Variants in SF3A2 observed in about 807,000 individuals in gnomAD.
SF3A2 encodes the protein splicing factor 3a subunit 2.
SF3A2 carries 5 observed loss-of-function variants against 31.1 expected under a neutral mutation model. That is an observed-to-expected ratio of 0.16 (90% CI 0.08 to 0.34). The LOEUF is 0.34. Ranked by LOEUF, SF3A2 falls within the 10% of genes least tolerant of loss-of-function variation. SF3A2 has a pLI of 1.00. For missense variants in SF3A2, 577 were observed against 643.9 expected, an observed-to-expected ratio of 0.90 and a Z score of 1.13; for synonymous variants, 365 against 263.7, an observed-to-expected ratio of 1.38 and a Z score of -3.72.
Position 2,248,213 on chromosome 19 carries a change from C to A in SF3A2, c.1062C>A (p.Ala354=). Residue 354 remains alanine, a synonymous_variant, in exon 9 of 9, where the codon GCC becomes GCA. Transcript: ENST00000221494. The stretch of plus-strand genomic sequence containing the variant: ...CAGCCCCCGGAGTCCACCCACCAGC[C>A]CCTGGGGTTCACCCACCAGCCCCAG... ...HPPAPGVHPP[A]PGVHPPAPGV... 2.1e-6 allele frequency: 3 copies of A among 1,462,750 alleles called. No homozygotes were observed. The highest frequency in any genetic ancestry group is 2.5e-5 in the East Asian group (1 of 40,228). 90.6% of individuals were successfully genotyped at this position (1,462,750 alleles called of 1,614,324 possible).
Position 2,247,992 on chromosome 19 carries a change from C to T in SF3A2, c.841C>T (p.Pro281Ser), listed in dbSNP as rs773432493. 2.1e-6 allele frequency: 2 copies of T among 946,588 alleles called. No individual in the cohort carries two copies. Among genetic ancestry groups the T allele is most frequent in the South Asian group, 2.7e-5 (2 of 73,146 alleles). 58.6% of individuals were successfully genotyped at this position (946,588 alleles called of 1,614,324 possible). The change falls in exon 9 of 9, where the codon CCC becomes TCC. Residue 281 changes from proline (P) to serine (S), a missense_variant. By Grantham distance (74) the Pro-to-Ser change is moderately conservative. Around this residue, in one of 6 missense-constraint regions of SF3A2, gnomAD observed 462 missense variants for 339.1 expected, o/e 1.36. Coordinates refer to ENST00000221494, the MANE Select transcript of SF3A2 (RefSeq NM_007165.5). ...AGGGCCCCCGGGACCACCCCAGCTA[C>T]CCCCGCCAGCTCCAGGGGTCCACCC... is the stretch of plus-strand genomic sequence containing the variant. Reference protein sequence around the residue: ...PSGPPGPPQLPPPAPGVHPPA... With the variant: ...PSGPPGPPQLSPPAPGVHPPA...
intron 1 of SF3A2, among the ~76,000 whole-genome samples, chr19:2,240,585 A>G (rs1363552826): frequency 6.6e-6 from 1 of 152,198 alleles, no homozygotes; most frequent in Non-Finnish European, 1.5e-5. Context: ...CAGACTCCAC[A>G]GGTGCTCCCT....
rs750934748 is a variant in SF3A2 at position 2,248,057 on chromosome 19, T to TCCCCCAGCTCCTGGCGTCCAC, written c.927_947dup (p.Ala319_Pro325dup). Reference sequence around the variant, plus strand: ...TGCATCCCCCTGCATCTGGGGTCCATCCCCCAGCTCCTGGCGTCCACCCCC... The same window carrying TCCCCCAGCTCCTGGCGTCCAC: ...TGCATCCCCCTGCATCTGGGGTCCATCCCCCAGCTCCTGGCGTCCACCCCCCAGCTCCTGGCGTCCACCCCC... On this transcript the variant is annotated inframe_insertion, in exon 9 of 9. Coordinates refer to ENST00000221494, the MANE Select transcript of SF3A2 (RefSeq NM_007165.5). 158 of 852,230 alleles carry TCCCCCAGCTCCTGGCGTCCAC rather than the reference T, an allele frequency of 1.9e-4. No homozygotes were observed. Among genetic ancestry groups the TCCCCCAGCTCCTGGCGTCCAC allele is most frequent in the African/African-American group, 2.6e-4 (13 of 49,086 alleles). 52.8% of individuals were successfully genotyped at this position (852,230 alleles called of 1,614,324 possible). A position where few individuals can be genotyped will look rare whatever the true frequency, so the allele number is the denominator to read the frequency against.
At chr19:2,237,155 C>A (rs1174763519) in intron 1 of SF3A2, 1 of 152,184 alleles carries the variant, frequency 6.6e-6, no homozygotes, top group East Asian at 1.9e-4. Flanking sequence ...CGGGGCCTCA[C>A]GCCTGTAATC....
At chr19:2,237,373 C>T (rs955182905) in intron 1 of SF3A2, 2 of 148,984 alleles carry the variant, frequency 1.3e-5, no homozygotes, top group South Asian at 2.1e-4. Flanking sequence ...CACCACTGCA[C>T]TCCAGCCTGG....
At position 2,248,137 on chromosome 19, in the gene SF3A2, TC is replaced by T; in HGVS notation, c.988del (p.His330ThrfsTer116). On this transcript the variant is annotated frameshift_variant, in exon 9 of 9. Coordinates refer to ENST00000221494, the MANE Select transcript of SF3A2 (RefSeq NM_007165.5). LOFTEE classifies it low-confidence loss of function (END_TRUNC). ...GGGGTCCACCCACCAACCTCTGGGG[TC>T]CACCCCCCAGCTCCTGGAGTCCACC... ...APGVHPPTSGVHPPAPGVHPP... is the reference protein window; with the variant it reads ...APGVHPPTSGXHPPAPGVHPP... The T allele has an allele frequency of 7.2e-7, 1 of 1,387,854 alleles. No individual in the cohort carries two copies. The highest frequency in any genetic ancestry group is 9.9e-7 in the Non-Finnish European group (1 of 1,014,414). 86.0% of individuals were successfully genotyped at this position (1,387,854 alleles called of 1,614,324 possible). A position where few individuals can be genotyped will look rare whatever the true frequency, so the allele number is the denominator to read the frequency against.
chr19:2,248,575 G>C lies in SF3A2; in HGVS notation c.*29G>C. ...GCTGCTCCCTCCCCCAGCAAGCCCAGCGCCAGGTGCTCTTGCCTTTTCCCA... is the reference window on the plus strand; with the variant it reads ...GCTGCTCCCTCCCCCAGCAAGCCCACCGCCAGGTGCTCTTGCCTTTTCCCA... On this transcript the variant is annotated 3_prime_UTR_variant, in exon 9 of 9. Coordinates refer to ENST00000221494, the MANE Select transcript of SF3A2 (RefSeq NM_007165.5). The C allele has an allele frequency of 1.4e-6, 1 of 690,128 alleles. No homozygotes were observed. Among genetic ancestry groups the C allele is most frequent in the Non-Finnish European group, 2.1e-6 (1 of 469,004 alleles). The allele number at this position is 690,128 out of a possible 1,614,324, so 42.8% of individuals were successfully genotyped here. A position where few individuals can be genotyped will look rare whatever the true frequency, so the allele number is the denominator to read the frequency against.
Position 2,245,070 on chromosome 19 carries a change from C to A in SF3A2, c.245+291C>A. 5.6e-6 allele frequency: 3 copies of A among 532,330 alleles called. No homozygotes were observed. The South Asian group carries it at 6.9e-5, about 12-fold the overall frequency. 33.0% of individuals were successfully genotyped at this position (532,330 alleles called of 1,614,324 possible). A position where few individuals can be genotyped will look rare whatever the true frequency, so the allele number is the denominator to read the frequency against. On this transcript the variant is annotated intron_variant, in intron 4 of 8. Coordinates refer to ENST00000221494, the MANE Select transcript of SF3A2 (RefSeq NM_007165.5). This position sits in a 1 kb window ranked among gnomAD's most constrained non-coding sequence, Gnocchi z 4.2. ...GCATGGTGGCACACGTCTGTAATCA[C>A]AGCTACTATGGAGGCTGAGGCAGGA...
At chr19:2,239,478 C>T (rs1044595722) in intron 1 of SF3A2, among the ~76,000 whole-genome samples, 2 of 152,038 alleles carry the variant, frequency 1.3e-5, no homozygotes, top group Admixed American at 1.3e-4. Flanking sequence ...GTTTTCTGCT[C>T]AGTTGTCTTT....
chr19:2,236,842 C>T lies in SF3A2; in HGVS notation c.-97C>T, dbSNP rs926530278. ...GGAAGTGCTTTCTTTGCCCGCCGTT[C>T]GCCAAACGAAGTCGTGGAGGTGGCG... is the stretch of plus-strand genomic sequence containing the variant. On this transcript the variant is annotated 5_prime_UTR_variant, in exon 1 of 9. Coordinates refer to ENST00000221494, the MANE Select transcript of SF3A2 (RefSeq NM_007165.5). The T allele has an allele frequency of 6.6e-6, 1 of 152,296 alleles. No homozygotes were observed. The highest frequency in any genetic ancestry group is 2.4e-5 in the African/African-American group (1 of 41,440). 9.4% of individuals were successfully genotyped at this position (152,296 alleles called of 1,614,324 possible).
chr19:2,239,211 A>G (rs1300545905), intron 1 of SF3A2, among the ~76,000 whole-genome samples: 5 of 152,204 alleles, frequency 3.3e-5, no homozygotes, highest in African/African-American at 7.2e-5. Flanking sequence ...CTAAAAATAT[A>G]AAAATTTGCC....
chr19:2,245,159 G>A lies in SF3A2; in HGVS notation c.246-287G>A. The A allele has an allele frequency of 2.0e-6, 1 of 495,284 alleles. No individual in the cohort carries two copies. The highest frequency in any genetic ancestry group is 3.6e-6 in the Non-Finnish European group (1 of 279,958). The allele number at this position is 495,284 out of a possible 1,614,324, so 30.7% of individuals were successfully genotyped here. ...AGGTGCTGCCACTGTACTCCATCCT[G>A]GGCGACAGAGTGAGACTCTTGTCTT... is the stretch of plus-strand genomic sequence containing the variant. On this transcript the variant is annotated intron_variant, in intron 4 of 8. Transcript: ENST00000221494. This position sits in a 1 kb window ranked among gnomAD's most constrained non-coding sequence, Gnocchi z 4.2.
intron 1 of SF3A2, among the ~76,000 whole-genome samples, chr19:2,241,156 C>T (rs927103463): frequency 1.1e-4 from 16 of 152,112 alleles, no homozygotes; most frequent in African/African-American, 3.1e-4. Context: ...TCCTTCATGA[C>T]GAAAGGAGCA....
chr19:2,243,187 C>G (rs1267275878), intron 1 of SF3A2, among the ~76,000 whole-genome samples, 195 bp from the exon 2 acceptor site: 1 of 152,200 alleles, frequency 6.6e-6, no homozygotes, highest in Non-Finnish European at 1.5e-5. Context: ...CTGTGCCTGT[C>G]CACAGTGGGC....
intron 2 of SF3A2, among the ~76,000 whole-genome samples, chr19:2,243,933 G>A (rs2024910712): frequency 6.6e-6 from 1 of 152,176 alleles, no homozygotes; most frequent in South Asian, 2.1e-4. Context: ...AGCACTCTTT[G>A]TGTACCCTGA....
At chr19:2,241,153 T>C (rs536271612) in intron 1 of SF3A2, among the ~76,000 whole-genome samples, 1 of 152,280 alleles carries the variant, frequency 6.6e-6, no homozygotes, top group East Asian at 1.9e-4. Flanking sequence ...AATTCCTTCA[T>C]GACGAAAGGA....
At chr19:2,241,628 C>G (rs372558492) in intron 1 of SF3A2, among the ~76,000 whole-genome samples, 1 of 152,190 alleles carries the variant, frequency 6.6e-6, no homozygotes, top group Admixed American at 6.5e-5. Context: ...CTGCAGCTGA[C>G]GGCGCCAGCA....
Position 2,248,600 on chromosome 19 carries a change from A to G in SF3A2, c.*54A>G, listed in dbSNP as rs1486175553. The G allele has an allele frequency of 2.4e-5, 10 of 424,148 alleles. No individual in the cohort carries two copies. In the East Asian group the frequency reaches 4.0e-4, roughly 17 times the overall value. The allele number at this position is 424,148 out of a possible 1,614,324, so 26.3% of individuals were successfully genotyped here. A position where few individuals can be genotyped will look rare whatever the true frequency, so the allele number is the denominator to read the frequency against. ...GCGCCAGGTGCTCTTGCCTTTTCCC[A>G]CTGAGAGAAGGCTGCTCTTTTGTAC... On this transcript the variant is annotated 3_prime_UTR_variant, in exon 9 of 9. Transcript: ENST00000221494.
chr19:2,248,010 G>T lies in SF3A2; in HGVS notation c.859G>T (p.Val287Phe). 1.0e-6 allele frequency: 1 copy of T among 964,728 alleles called. No individual in the cohort carries two copies. The highest frequency in any genetic ancestry group is 2.6e-5 in the East Asian group (1 of 38,312). 59.8% of individuals were successfully genotyped at this position (964,728 alleles called of 1,614,324 possible). A position where few individuals can be genotyped will look rare whatever the true frequency, so the allele number is the denominator to read the frequency against. ...CCAGCTACCCCCGCCAGCTCCAGGG[G>T]TCCACCCCCCGGCCCCAGTGGTGCA... Reference protein sequence around the residue: ...PPQLPPPAPGVHPPAPVVHPP... With the variant: ...PPQLPPPAPGFHPPAPVVHPP... The change falls in exon 9 of 9, where the codon GTC becomes TTC. Residue 287 changes from valine to phenylalanine, a missense_variant. Physicochemically the swap from Val to Phe is conservative, Grantham distance 50. Transcript: ENST00000221494.
Sources: allele counts gnomAD v4.1 joint callset (sites outside exome capture counted in the v4.1 genomes callset), GRCh38; gene constraint gnomAD v4.1.1; regional missense constraint gnomAD v4.1.1; non-coding constraint Gnocchi (gnomAD v3.1); transcripts MANE v1.5; gene names NCBI Gene and HGNC (gene_info 2026-07-23, HGNC 2026-07-21).